FAM3B: variants seen among roughly 807,000 people sequenced by gnomAD.
FAM3B encodes the protein FAM3 metabolism regulating signaling molecule B.
Under a neutral mutation model 28.4 loss-of-function variants are expected in FAM3B, and 29 were observed. That is an observed-to-expected ratio of 1.02 (90% CI 0.76 to 1.39). FAM3B has a LOEUF of 1.39. FAM3B is among the 40% of genes most tolerant of loss of function. The pLI, the probability that FAM3B is intolerant of heterozygous loss-of-function variation, is 0.00. For synonymous variants in FAM3B, 91 were observed against 103.0 expected (o/e 0.88, Z 0.71); for missense variants, 266 against 293.9 (o/e 0.91, Z 0.69).
intron 7 of FAM3B, among the ~76,000 whole-genome samples, chr21:41,356,056 C>CAG (rs1035286513): frequency 1.4e-4 from 20 of 147,766 alleles, no homozygotes; most frequent in African/African-American, 4.3e-4. Flanking sequence ...CACACACACA[C>CAG]ACACACACAC....
intron 7 of FAM3B, among the ~76,000 whole-genome samples, chr21:41,349,714 G>A (rs946110590): frequency 3.3e-5 from 5 of 152,176 alleles, no homozygotes; most frequent in African/African-American, 9.7e-5. Context: ...CGACTTCAGC[G>A]CAGGCCACAC....
At chr21:41,306,552 A>G (rs756633138) in intron 1 of FAM3B, among the ~76,000 whole-genome samples, 1 of 152,246 alleles carries the variant, frequency 6.6e-6, no homozygotes. Context: ...TGATTTCCTT[A>G]TATGTCTCCA....
chr21:41,340,576 T>C (rs1221916828), intron 3 of FAM3B, among the ~76,000 whole-genome samples: 1 of 152,214 alleles, frequency 6.6e-6, no homozygotes, highest in Non-Finnish European at 1.5e-5. Flanking sequence ...TATTTCCACA[T>C]GAGTTTGAGA....
In FAM3B at chr21:41,357,139, A is replaced by T. The variant is rs750003342; in HGVS notation, c.650A>T (p.Tyr217Phe). 2 of 1,613,564 alleles carry T rather than the reference A, an allele frequency of 1.2e-6. No homozygotes were observed. Among genetic ancestry groups the T allele is most frequent in the South Asian group, 1.1e-5 (1 of 91,020 alleles). Residue 217 changes from tyrosine (Y) to phenylalanine (F), a missense_variant, in exon 8 of 8, where the codon TAT becomes TTT. Coordinates refer to ENST00000357985, the MANE Select transcript of FAM3B (RefSeq NM_058186.4). Reference sequence around the variant, plus strand: ...CACTCTGATGCTAAGAACAACAGATATTCTGGCTGGCCTGCAGAGATCCAG... The same window carrying T: ...CACTCTGATGCTAAGAACAACAGATTTTCTGGCTGGCCTGCAGAGATCCAG... ...INHSDAKNNR[Y>F]SGWPAEIQIE... is the part of the protein sequence containing the mutation.
intron 1 of FAM3B, 94 bp from the exon 2 acceptor site, chr21:41,322,829 G>A (rs755393376): frequency 6.3e-7 from 1 of 1,598,622 alleles, no homozygotes; most frequent in Non-Finnish European, 8.6e-7. Context: ...CTGACACTGG[G>A]CCGGGATGAA....
chr21:41,332,697 A>G (rs1452913829), intron 2 of FAM3B, among the ~76,000 whole-genome samples: 2 of 152,130 alleles, frequency 1.3e-5, no homozygotes, highest in Non-Finnish European at 2.9e-5. Flanking sequence ...TCGTCTCCTC[A>G]CATTTATTGG....
Position 41,316,873 on chromosome 21 carries a change from C to T in FAM3B, c.-7C>T, listed in dbSNP as rs1474087721. ...GCCAGGGCCAGGAGGGGAGCGGCAC[C>T]TGGAAGATGCGCCCATTGGCTGGTG... On this transcript the variant is annotated 5_prime_UTR_variant, in exon 1 of 8. Transcript: ENST00000357985. The T allele has an allele frequency of 2.1e-6, 3 of 1,414,252 alleles. No individual in the cohort carries two copies. In the African/African-American group the frequency reaches 4.5e-5, roughly 21 times the overall value. The allele number at this position is 1,414,252 out of a possible 1,614,324, so 87.6% of individuals were successfully genotyped here.
intron 2 of FAM3B, among the ~76,000 whole-genome samples, chr21:41,328,994 G>T (rs1393941228): frequency 6.6e-6 from 1 of 152,194 alleles, no homozygotes; most frequent in East Asian, 1.9e-4. Flanking sequence ...TGTTCACCCT[G>T]GTCATGATAG....
intron 7 of FAM3B, among the ~76,000 whole-genome samples, chr21:41,352,828 G>T (rs959331772): frequency 3.8e-4 from 14 of 36,516 alleles, no homozygotes; most frequent in African/African-American, 2.5e-3. Flanking sequence ...AATAAATAAA[G>T]GAAGAAGTAA....
At chr21:41,336,274 C>T (rs1330032244) in intron 2 of FAM3B, among the ~76,000 whole-genome samples, 1 of 152,176 alleles carries the variant, frequency 6.6e-6, no homozygotes, top group African/African-American at 2.4e-5. Flanking sequence ...GTAATCCCAG[C>T]ACTTTGGGAG....
At chr21:41,345,797 A>G (rs1428324834) in intron 5 of FAM3B, 61 bp downstream of exon 5, 3 of 1,085,900 alleles carry the variant, frequency 2.8e-6, no homozygotes, top group African/African-American at 1.6e-5. Flanking sequence ...AAGATTAAAA[A>G]GCACAAAGAA....
At chr21:41,334,808 A>G (rs923602206) in intron 2 of FAM3B, among the ~76,000 whole-genome samples, 2 of 152,246 alleles carry the variant, frequency 1.3e-5, no homozygotes, top group African/African-American at 4.8e-5. Context: ...CACCCTCAGC[A>G]TGGAAAAGCC....
chr21:41,349,033 A>C (rs1045133483), intron 7 of FAM3B, among the ~76,000 whole-genome samples: 40 of 152,140 alleles, frequency 2.6e-4, no homozygotes, highest in African/African-American at 9.7e-4. Context: ...AAAGTAAGAG[A>C]GCTCACCTCT....
Position 41,326,214 on chromosome 21 carries a change from G to A in FAM3B, c.163+3148G>A, listed in dbSNP as rs1285066061. ...GATGTGGTTCTCCAGGCAGGGTTTG[G>A]AAAGAGCTGTGTTTTCCCAGGAGCT... On this transcript the variant is annotated intron_variant, in intron 2 of 7. Transcript: ENST00000357985. This position sits in a 1 kb window ranked among gnomAD's most constrained non-coding sequence, Gnocchi z 4.0. Among the ~76,000 whole-genome samples, 2 of 152,188 alleles carry A rather than the reference G, an allele frequency of 1.3e-5. No homozygotes were observed. The highest frequency in any genetic ancestry group is 1.3e-4 in the Admixed American group (2 of 15,278).
chr21:41,311,247 A>AT (rs2088709339), intron 1 of FAM3B, among the ~76,000 whole-genome samples: 7 of 63,444 alleles, frequency 1.1e-4, no homozygotes, highest in Admixed American at 2.2e-4. Flanking sequence ...AAAAAAAAAA[A>AT]AAAAATATAT....
intron 1 of FAM3B, among the ~76,000 whole-genome samples, chr21:41,306,009 T>C (rs1297029528): frequency 6.6e-6 from 1 of 152,250 alleles, no homozygotes; most frequent in East Asian, 1.9e-4. Flanking sequence ...CAACGAAGTT[T>C]ATGTAGTATT....
At chr21:41,341,002 G>A (rs942636955) in intron 3 of FAM3B, among the ~76,000 whole-genome samples, 2 of 152,016 alleles carry the variant, frequency 1.3e-5, no homozygotes, top group African/African-American at 4.8e-5. Context: ...ATGTATATGT[G>A]TGTATGAATA....
chr21:41,349,452 C>T (rs1377535647), intron 7 of FAM3B, among the ~76,000 whole-genome samples: 8 of 152,286 alleles, frequency 5.3e-5, no homozygotes, highest in African/African-American at 1.9e-4. Context: ...AGGCGCGAGA[C>T]TTCCCCACTA....
At chr21:41,353,016 A>C (rs912306278) in intron 7 of FAM3B, among the ~76,000 whole-genome samples, 1 of 152,176 alleles carries the variant, frequency 6.6e-6, no homozygotes, top group African/African-American at 2.4e-5. Flanking sequence ...ACTTCTCTTT[A>C]CTTGCAATGA....
Sources: gnomAD v4.1 joint callset for allele counts (sites outside exome capture counted in the v4.1 genomes callset) on GRCh38, gnomAD v4.1.1 for gene constraint, Gnocchi (gnomAD v3.1) non-coding constraint, MANE v1.5 for transcripts, NCBI Gene and HGNC (gene_info 2026-07-23, HGNC 2026-07-21) for gene names.